Variants in CYP2S1 observed in about 807,000 individuals in gnomAD.
The protein encoded by CYP2S1 is cytochrome P450 2S1.
Under a neutral mutation model 43.5 loss-of-function variants are expected in CYP2S1, and 32 were observed. That is an observed-to-expected ratio of 0.74 (90% confidence interval 0.56 to 0.99). The LOEUF (loss-of-function observed/expected upper bound fraction) is 0.99, where lower values mean the gene tolerates loss of function less well. Ranked by LOEUF, CYP2S1 falls within the 50% of genes least tolerant of loss-of-function variation. CYP2S1 has a pLI of 0.00. For missense variants in CYP2S1, 575 were observed against 673.9 expected (o/e 0.85, Z 1.62); for synonymous variants, 283 against 302.9 (o/e 0.93, Z 0.68).
At position 41,206,344 on chromosome 19, in the gene CYP2S1, C is replaced by T; in HGVS notation, c.1371C>T (p.Ile457=). The T allele has an allele frequency of 6.2e-7, 1 of 1,614,166 alleles. No homozygotes were observed. Among genetic ancestry groups the T allele is most frequent in the Non-Finnish European group, 8.5e-7 (1 of 1,180,034 alleles). ...KAELFLFFTT[I]LQAFSLESPC... is the part of the protein sequence containing the mutation. The stretch of plus-strand genomic sequence containing the variant: ...AGCTCTTCCTCTTCTTCACCACCAT[C>T]CTACAAGCCTTCTCCCTGGAGAGCC... Residue 457 remains isoleucine, a synonymous_variant, in exon 9 of 9, where the codon ATC becomes ATT. Coordinates refer to ENST00000310054, the MANE Select transcript of CYP2S1 (RefSeq NM_030622.8).
chr19:41,201,683 G>A (rs900140253), intron 6 of CYP2S1, among the ~76,000 whole-genome samples: 3 of 151,790 alleles, frequency 2.0e-5, no homozygotes, highest in Non-Finnish European at 4.4e-5. Context: ...CAGCCTGGGC[G>A]ACAGAGCGAG....
Position 41,194,078 on chromosome 19 carries a change from C to T in CYP2S1, c.178-466C>T, listed in dbSNP as rs543257984. On this transcript the variant is annotated intron_variant, in intron 1 of 8. Coordinates refer to ENST00000310054, the MANE Select transcript of CYP2S1 (RefSeq NM_030622.8). ...GGGAGTGGGCAGAGGCCTGAAGTTT[C>T]CCATTCAAAAGGATTCTGGGTGACT... Among the ~76,000 whole-genome samples the T allele has an allele frequency of 2.1e-3, 319 of 152,082 alleles. 1 individual carries two copies. Among genetic ancestry groups the T allele is most frequent in the Middle Eastern group, 0.017 (5 of 294 alleles).
At chr19:41,203,782 T>A in intron 7 of CYP2S1, 145 bp downstream of exon 7, 1 of 884,368 alleles carries the variant, frequency 1.1e-6, no homozygotes, top group South Asian at 2.1e-5. Flanking sequence ...TCTTTCTCTG[T>A]CTCTGTCTTC....
chr19:41,200,979 G>A lies in CYP2S1; in HGVS notation c.835-252G>A, dbSNP rs554087378. On this transcript the variant is annotated intron_variant, in intron 5 of 8. Transcript: ENST00000310054. ...TGTAATCCCAGCTACTCGGGAGGCT[G>A]AGGCAGGAGAATTGCTTGAACCCAG... Among the ~76,000 whole-genome samples, 57 of 152,198 alleles carry A rather than the reference G, an allele frequency of 3.7e-4. 1 individual carries two copies. In the South Asian group the frequency reaches 0.012, roughly 31 times the overall value.
chr19:41,194,680 C>T lies in CYP2S1; in HGVS notation c.314C>T (p.Ala105Val), dbSNP rs202034225. Reference sequence around the variant, plus strand: ...GAGTTCAGCGGCCGGGGAACCGTAGCGATGCTGGAAGGGACTTTTGATGGC... The same window carrying T: ...GAGTTCAGCGGCCGGGGAACCGTAGTGATGCTGGAAGGGACTTTTGATGGC... ...AEEFSGRGTVAMLEGTFDGHG... is the reference protein window; with the variant it reads ...AEEFSGRGTVVMLEGTFDGHG... Residue 105 changes from alanine (A) to valine (V), a missense_variant, in exon 2 of 9, where the codon GCG (alanine) becomes GTG (valine). Ala to Val is a moderately conservative substitution (Grantham distance 64). Transcript: ENST00000310054. 8 of 1,612,024 alleles carry T rather than the reference C, an allele frequency of 5.0e-6. No homozygotes were observed. Among genetic ancestry groups the T allele is most frequent in the African/African-American group, 1.3e-5 (1 of 74,912 alleles).
chr19:41,205,380 T>TTCTTTCTTTCTTTC (rs1555727582), intron 7 of CYP2S1, among the ~76,000 whole-genome samples: 21 of 127,658 alleles, frequency 1.6e-4, no homozygotes, highest in Non-Finnish European at 2.8e-4. Context: ...CTTTCTTTCT[T>TTCTTTCTTTCTTTC]TCTCTCTCTC....
At position 41,197,803 on chromosome 19, in the gene CYP2S1, G is replaced by A. The variant is rs376982997; in HGVS notation, c.368G>A (p.Arg123Gln). 47 of 1,614,070 alleles carry A rather than the reference G, an allele frequency of 2.9e-5. No individual in the cohort carries two copies. In the East Asian group the frequency reaches 5.8e-4, roughly 20 times the overall value. Residue 123 changes from arginine (R) to glutamine (Q), a missense_variant, in exon 3 of 9, where the codon CGG becomes CAG. Coordinates refer to ENST00000310054, the MANE Select transcript of CYP2S1 (RefSeq NM_030622.8). The stretch of plus-strand genomic sequence containing the variant: ...GGGGTTTTCTTCTCCAACGGGGAGC[G>A]GTGGAGGCAGCTGAGGAAGTTTACC... ...GHGVFFSNGE[R>Q]WRQLRKFTML...
rs762153062 is a variant in CYP2S1, at chr19:41,201,313, C to T, written c.917C>T (p.Thr306Met). 8.7e-6 allele frequency: 14 copies of T among 1,614,120 alleles called. No homozygotes were observed. The highest frequency in any genetic ancestry group is 7.7e-5 in the South Asian group (7 of 91,082). ...TATTTGCTGTTTGCTGGGACGATGA[C>T]GGTCAGCACCACGGTCGGCTATACC... ...VIYLLFAGTM[T>M]VSTTVGYTLL... is the part of the protein sequence containing the mutation. The change falls in exon 6 of 9, where the codon ACG becomes ATG. Residue 306 changes from threonine (T) to methionine (M), a missense_variant. By Grantham distance (81) the Thr-to-Met change is moderately conservative. Around this residue, in one of 2 missense-constraint regions of CYP2S1, gnomAD observed 222 missense variants for 306.3 expected, o/e 0.72. Transcript: ENST00000310054.
At position 41,198,640 on chromosome 19, in the gene CYP2S1, C is replaced by A; in HGVS notation, c.654+18C>A. ...GGGGTCAGGTGAGTGGGTGGGACCC[C>A]TCTCCAACTACCTTCCCTGAAGGTT... is the stretch of plus-strand genomic sequence containing the variant. On this transcript the variant is annotated intron_variant, in intron 4 of 8. Transcript: ENST00000310054. This position sits in a 1 kb window ranked among gnomAD's most constrained non-coding sequence, Gnocchi z 4.9. 6.2e-7 allele frequency: 1 copy of A among 1,613,842 alleles called. No homozygotes were observed.
chr19:41,202,884 T>A (rs1333440571), intron 6 of CYP2S1, among the ~76,000 whole-genome samples: 19 of 152,008 alleles, frequency 1.2e-4, no homozygotes, highest in Admixed American at 1.2e-3. Context: ...GTGGATCACC[T>A]GAGGTCAGGA....
In CYP2S1 at chr19:41,198,577, G is replaced by C; in HGVS notation, c.609G>C (p.Arg203=). 1 of 1,614,166 alleles carries C rather than the reference G, an allele frequency of 6.2e-7. No individual in the cohort carries two copies. The highest frequency in any genetic ancestry group is 8.5e-7 in the Non-Finnish European group (1 of 1,180,020). Residue 203 remains arginine, a synonymous_variant, in exon 4 of 9, where the codon CGG becomes CGC. Transcript: ENST00000310054. The surrounding 1 kb of genome is among the most constrained non-coding windows in gnomAD (Gnocchi z 4.9). ...YEDKEFQAVV[R]AAGGTLLGVS... ...ATAAGGAGTTCCAGGCCGTGGTCCG[G>C]GCAGCTGGTGGTACCCTGCTGGGAG...
At chr19:41,197,684 A>T in intron 2 of CYP2S1, 95 bp from the exon 3 acceptor site, 1 of 1,553,114 alleles carries the variant, frequency 6.4e-7, no homozygotes, top group Non-Finnish European at 8.7e-7. Context: ...TGGGCAACAG[A>T]GCGAGATTCC....
chr19:41,195,100 A>G (rs537846432), intron 2 of CYP2S1, among the ~76,000 whole-genome samples: 1 of 152,310 alleles, frequency 6.6e-6, no homozygotes, highest in East Asian at 1.9e-4. Flanking sequence ...TGGGCAACAG[A>G]GTGAGCCTCC....
At chr19:41,204,895 C>G (rs2122168306) in intron 7 of CYP2S1, among the ~76,000 whole-genome samples, 1 of 152,214 alleles carries the variant, frequency 6.6e-6, no homozygotes, top group Admixed American at 6.5e-5. Flanking sequence ...TGCACCTGGC[C>G]TACCCCCTCC....
At chr19:41,203,696 GT>G (rs2033523929) in intron 7 of CYP2S1, 59 bp downstream of exon 7, 3 of 1,435,630 alleles carry the variant, frequency 2.1e-6, no homozygotes, top group Non-Finnish European at 2.8e-6. Context: ...AGCCCGGGTG[GT>G]TTGCTGTCAG....
At chr19:41,199,742 A>C (rs1457215945) in intron 5 of CYP2S1, among the ~76,000 whole-genome samples, 1 of 151,988 alleles carries the variant, frequency 6.6e-6, no homozygotes, top group Non-Finnish European at 1.5e-5. Context: ...AGACGGGCGG[A>C]TCACCTGAGG....
At chr19:41,203,680 G>A in intron 7 of CYP2S1, 43 bp downstream of exon 7, 1 of 1,467,570 alleles carries the variant, frequency 6.8e-7, no homozygotes, top group African/African-American at 1.4e-5. Flanking sequence ...TCTGCCTCGG[G>A]GCCTGAGCCC....
Position 41,205,385 on chromosome 19 carries a change from TC to T in CYP2S1, c.1165-572del, listed in dbSNP as rs1568402556. Reference sequence around the variant, plus strand: ...TTCTTTCTTTCTTTCTTTCTTTCTCTCTCTCTCTTTCTTTCTCTCTTTCTTT... The same window carrying T: ...TTCTTTCTTTCTTTCTTTCTTTCTCTTCTCTCTTTCTTTCTCTCTTTCTTT... On this transcript the variant is annotated intron_variant, in intron 7 of 8. Coordinates refer to ENST00000310054, the MANE Select transcript of CYP2S1 (RefSeq NM_030622.8). 2.5e-3 allele frequency among the ~76,000 whole-genome samples: 240 copies of T among 95,064 alleles called. 3 individuals are homozygous for T. Among genetic ancestry groups the T allele is most frequent in the African/African-American group, 0.015 (224 of 15,256 alleles). The allele number at this position is 95,064 out of a possible 152,430, so 62.4% of individuals were successfully genotyped here.
intron 2 of CYP2S1, 49 bp from the exon 3 acceptor site, chr19:41,197,730 G>T: frequency 6.3e-7 from 1 of 1,596,428 alleles, no homozygotes; most frequent in Non-Finnish European, 8.5e-7. Context: ...GAAGAAGGGG[G>T]AATGGGGGAG....
Sources: gnomAD v4.1 joint callset for allele counts (sites outside exome capture counted in the v4.1 genomes callset) on GRCh38, gnomAD v4.1.1 for gene constraint, gnomAD v4.1.1 regional missense constraint, Gnocchi (gnomAD v3.1) non-coding constraint, MANE v1.5 for transcripts, NCBI Gene and HGNC (gene_info 2026-07-23, HGNC 2026-07-21) for gene names.